Variants in MED27 observed in about 807,000 individuals in gnomAD.
MED27 encodes mediator of RNA polymerase II transcription subunit 27.
Under a neutral mutation model 38.2 loss-of-function variants are expected in MED27, and 30 were observed. That is an observed-to-expected ratio of 0.79 (90% CI 0.59 to 1.07). The LOEUF is 1.07. Ranked by LOEUF, MED27 falls within the 50% of genes least tolerant of loss-of-function variation. MED27 has a pLI of 0.00. For synonymous variants in MED27, 122 were observed against 153.5 expected (o/e 0.79, Z 1.52); for missense variants, 289 against 397.5 (o/e 0.73, Z 2.32).
rs1833459785 is a variant in MED27, at chr9:132,051,289, G to T, written c.348+26153C>A. ...TAAGCTTTCCTGAGTGGGAAAGAAA[G>T]GGGTAGAATTACAGCTAGCTAGTAC... On this transcript the variant is annotated intron_variant, in intron 2 of 7. Coordinates refer to ENST00000292035, the MANE Select transcript of MED27 (RefSeq NM_004269.4). This position sits in a 1 kb window ranked among gnomAD's most constrained non-coding sequence, Gnocchi z 4.2. 6.6e-6 allele frequency among the ~76,000 whole-genome samples: 1 copy of T among 152,212 alleles called. No homozygotes were observed.
Position 132,077,483 on chromosome 9 carries a change from G to A in MED27, c.307C>T (p.Leu103Phe), listed in dbSNP as rs1376779438. The A allele has an allele frequency of 6.2e-7, 1 of 1,614,162 alleles. No individual in the cohort carries two copies. Among genetic ancestry groups the A allele is most frequent in the Non-Finnish European group, 8.5e-7 (1 of 1,180,004 alleles). ...TATGCTTGAAGGAGTTGACTATAGAGAGGAGTTTTGTCCTGCACAGGATCC... is the reference window on the plus strand; with the variant it reads ...TATGCTTGAAGGAGTTGACTATAGAAAGGAGTTTTGTCCTGCACAGGATCC... ...SLDPVQDKTP[L>F]YSQLLQAYKW... is the part of the protein sequence containing the mutation. The change falls in exon 2 of 8, where the codon CTC (leucine) becomes TTC (phenylalanine). Residue 103 changes from leucine (L) to phenylalanine (F), a missense_variant. By Grantham distance (22) the Leu-to-Phe change is conservative. Transcript: ENST00000292035.
In MED27 at chr9:131,912,225, C is replaced by G. The variant is rs939937198; in HGVS notation, c.574-18233G>C. ...TCAAGCATGTCCAGGAAACAACATG[C>G]TCCTCTTGAAGATTCAGTGTGTATG... On this transcript the variant is annotated intron_variant, in intron 4 of 7. Transcript: ENST00000292035. Among the ~76,000 whole-genome samples the G allele has an allele frequency of 4.6e-5, 7 of 152,280 alleles. No homozygotes were observed. In the South Asian group the frequency reaches 1.4e-3, roughly 32 times the overall value.
chr9:131,892,228 C>T (rs1234000541), intron 5 of MED27, among the ~76,000 whole-genome samples: 1 of 151,854 alleles, frequency 6.6e-6, no homozygotes, highest in Non-Finnish European at 1.5e-5. Context: ...TGAGGAGGGG[C>T]GATCAGAGGT....
intron 3 of MED27, among the ~76,000 whole-genome samples, chr9:131,944,900 A>C (rs1488579498): frequency 6.6e-6 from 1 of 151,040 alleles, no homozygotes; most frequent in Non-Finnish European, 1.5e-5. Flanking sequence ...ATGTCTGTAC[A>C]ACATTTTATA....
chr9:132,071,901 C>T (rs1833948279), intron 2 of MED27, among the ~76,000 whole-genome samples: 1 of 151,988 alleles, frequency 6.6e-6, no homozygotes, highest in East Asian at 1.9e-4. Flanking sequence ...GATGAGCACA[C>T]AAGCATATGA....
intron 2 of MED27, among the ~76,000 whole-genome samples, chr9:132,023,230 T>C (rs905172251): frequency 6.6e-6 from 1 of 152,214 alleles, no homozygotes; most frequent in Admixed American, 6.5e-5. Flanking sequence ...CAGATGGTTT[T>C]CAACTAAGCC....
intron 2 of MED27, among the ~76,000 whole-genome samples, chr9:132,057,383 G>A (rs950585500): frequency 2.6e-5 from 4 of 152,184 alleles, no homozygotes; most frequent in Non-Finnish European, 5.9e-5. Flanking sequence ...TGTGGGCTGT[G>A]GTCTGCTGTG....
At chr9:131,902,839 C>T (rs1308563139) in intron 4 of MED27, among the ~76,000 whole-genome samples, 1 of 152,144 alleles carries the variant, frequency 6.6e-6, no homozygotes, top group African/African-American at 2.4e-5. Context: ...GGTCTGTTTG[C>T]CAACAAGTCA....
rs1195499629 is a variant in MED27 at position 131,884,071 on chromosome 9, T to C, written c.710A>G (p.Gln237Arg). The change falls in exon 6 of 8, where the codon CAA becomes CGA. Residue 237 changes from glutamine to arginine, a missense_variant. Gln to Arg is a conservative substitution (Grantham distance 43). Coordinates refer to ENST00000292035, the MANE Select transcript of MED27 (RefSeq NM_004269.4). ...AGTAAAACTTACCTTCTGGAATACTTGATAGTTGGATTTGGACCATATATC... is the reference window on the plus strand; with the variant it reads ...AGTAAAACTTACCTTCTGGAATACTCGATAGTTGGATTTGGACCATATATC... ...KLDIWSKSNYQVFQKVTDHAT... is the reference protein window; with the variant it reads ...KLDIWSKSNYRVFQKVTDHAT... The C allele has an allele frequency of 1.2e-6, 2 of 1,612,244 alleles. No homozygotes were observed. Among genetic ancestry groups the C allele is most frequent in the Non-Finnish European group, 1.7e-6 (2 of 1,179,204 alleles).
chr9:132,056,875 G>C (rs1309481601), intron 2 of MED27, among the ~76,000 whole-genome samples: 1 of 152,144 alleles, frequency 6.6e-6, no homozygotes, highest in Admixed American at 6.5e-5. Flanking sequence ...TTCTTCATTC[G>C]GCTCATATGG....
chr9:132,039,425 C>T (rs886866952), intron 2 of MED27, among the ~76,000 whole-genome samples: 5 of 152,192 alleles, frequency 3.3e-5, no homozygotes, highest in African/African-American at 9.7e-5. Context: ...TGTTAATTCA[C>T]GCAAAGTACC....
chr9:131,908,575 A>G (rs1331245825), intron 4 of MED27, among the ~76,000 whole-genome samples: 1 of 152,076 alleles, frequency 6.6e-6, no homozygotes, highest in Non-Finnish European at 1.5e-5. Context: ...CTGTGACCTT[A>G]CCCCCAACCC....
At chr9:131,897,060 A>G (rs1184103791) in intron 4 of MED27, among the ~76,000 whole-genome samples, 1 of 152,254 alleles carries the variant, frequency 6.6e-6, no homozygotes, top group Non-Finnish European at 1.5e-5. Flanking sequence ...TTTTTCCTTA[A>G]AACTATGACA....
At chr9:131,940,092 A>C (rs1011716147) in intron 3 of MED27, among the ~76,000 whole-genome samples, 1 of 151,792 alleles carries the variant, frequency 6.6e-6, no homozygotes, top group African/African-American at 2.4e-5. Context: ...TTTTTAGTAG[A>C]GATGGGGTGT....
intron 6 of MED27, among the ~76,000 whole-genome samples, chr9:131,866,875 G>C (rs528976470): frequency 6.6e-6 from 1 of 152,262 alleles, no homozygotes; most frequent in African/African-American, 2.4e-5. Flanking sequence ...TGCAGCACCC[G>C]GTGTCTGCCT....
chr9:131,966,212 A>AAC lies in MED27; in HGVS notation c.480-26739_480-26738insGT, dbSNP rs1197662944. On this transcript the variant is annotated intron_variant, in intron 3 of 7. Transcript: ENST00000292035. ...AGCCTGTTTCTTTAAAAAAAAAAAA[A>AAC]AAACAAAACAAAACCAAAAGCAACT... is the stretch of plus-strand genomic sequence containing the variant. Among the ~76,000 whole-genome samples the AAC allele has an allele frequency of 4.3e-5, 6 of 139,570 alleles. No individual in the cohort carries two copies. The Admixed American group carries it at 4.4e-4, about 10-fold the overall frequency. The allele number at this position is 139,570 out of a possible 152,430, so 91.6% of individuals were successfully genotyped here. A position where few individuals can be genotyped will look rare whatever the true frequency, so the allele number is the denominator to read the frequency against.
intron 4 of MED27, among the ~76,000 whole-genome samples, chr9:131,894,599 A>G (rs1367677384): frequency 6.6e-6 from 1 of 151,496 alleles, no homozygotes; most frequent in Non-Finnish European, 1.5e-5. Flanking sequence ...TTACTCTCAG[A>G]ACCTAAGCAC....
intron 6 of MED27, among the ~76,000 whole-genome samples, chr9:131,881,851 C>T (rs1471242919): frequency 7.8e-6 from 1 of 128,026 alleles, no homozygotes. Context: ...GTCACCCAGG[C>T]TGGAGTGCAG....
intron 4 of MED27, among the ~76,000 whole-genome samples, chr9:131,937,640 A>T (rs1396363622): frequency 6.6e-6 from 1 of 152,178 alleles, no homozygotes; most frequent in Non-Finnish European, 1.5e-5. Flanking sequence ...TCCCACCCTC[A>T]TTATGAAATG....
Sources: gnomAD v4.1 joint callset for allele counts (sites outside exome capture counted in the v4.1 genomes callset) on GRCh38, gnomAD v4.1.1 for gene constraint, Gnocchi (gnomAD v3.1) non-coding constraint, MANE v1.5 for transcripts, NCBI Gene and HGNC (gene_info 2026-07-23, HGNC 2026-07-21) for gene names.